SMARCA4: variants seen among roughly 807,000 people sequenced by gnomAD.
SMARCA4 encodes the protein SWI/SNF-related matrix-associated actin-dependent regulator of chromatin subfamily A member 4.
Under a neutral mutation model 193.9 loss-of-function variants are expected in SMARCA4, and 31 were observed. The ratio of observed to expected loss-of-function variants is 0.16; its 90% CI spans 0.12 to 0.22. The LOEUF (loss-of-function observed/expected upper bound fraction) is 0.22, where lower values mean the gene tolerates loss of function less well. SMARCA4 is among the 10% of genes least tolerant of loss of function. The probability of loss-of-function intolerance (pLI) is 1.00; values close to 1 mark genes in which losing one functional copy is unlikely to be tolerated. For missense variants in SMARCA4, 1,148 were observed against 2,296.0 expected (o/e 0.50, Z 10.22); for synonymous variants, 942 against 933.1 (o/e 1.01, Z -0.17).
At chr19:11,013,202 G>A (rs1181783079) in intron 16 of SMARCA4, 90 bp downstream of exon 16, 8 of 1,425,514 alleles carry the variant, frequency 5.6e-6, no homozygotes, top group Admixed American at 1.9e-5. Flanking sequence ...TACCACAAAC[G>A]AGGTGGCTTA....
chr19:11,033,637 AGG>A lies in SMARCA4; in HGVS notation c.3774+122_3774+123del, dbSNP rs1403891026. ...TTTTTTTTGCATCCCTTTGGAGTAAAGGGAGTGTGGGCTGAACGGAAAGAGGA... is the reference window on the plus strand; with the variant it reads ...TTTTTTTTGCATCCCTTTGGAGTAAAGAGTGTGGGCTGAACGGAAAGAGGA... On this transcript the variant is annotated intron_variant, in intron 26 of 34. Coordinates refer to ENST00000344626, the MANE Select transcript of SMARCA4 (RefSeq NM_003072.5). This position sits in a 1 kb window ranked among gnomAD's most constrained non-coding sequence, Gnocchi z 9.8. 1 of 814,394 alleles carries A rather than the reference AGG, an allele frequency of 1.2e-6. No individual in the cohort carries two copies. Among genetic ancestry groups the A allele is most frequent in the Non-Finnish European group, 2.2e-6 (1 of 461,640 alleles). 50.4% of individuals were successfully genotyped at this position (814,394 alleles called of 1,614,324 possible). A position where few individuals can be genotyped will look rare whatever the true frequency, so the allele number is the denominator to read the frequency against.
At position 11,002,795 on chromosome 19, in the gene SMARCA4, G is replaced by A. The variant is rs937772313; in HGVS notation, c.1813-234G>A. Among the ~76,000 whole-genome samples, 11 of 112,686 alleles carry A rather than the reference G, an allele frequency of 9.8e-5. No individual in the cohort carries two copies. In the South Asian group the frequency reaches 3.2e-3, roughly 32 times the overall value. 73.9% of individuals were successfully genotyped at this position (112,686 alleles called of 152,430 possible). ...AGCCTGGGTGACAGAGCGAGACTCC[G>A]TCTCAAAAAAAAAAAAAAAAAAAAA... On this transcript the variant is annotated intron_variant, in intron 11 of 34. Coordinates refer to ENST00000344626, the MANE Select transcript of SMARCA4 (RefSeq NM_003072.5).
rs2146678079 is a variant in SMARCA4, at chr19:11,034,142, A to T, written c.3893A>T (p.Asp1298Val). The T allele has an allele frequency of 6.2e-7, 1 of 1,613,730 alleles. No individual in the cohort carries two copies. Among genetic ancestry groups the T allele is most frequent in the Non-Finnish European group, 8.5e-7 (1 of 1,179,944 alleles). Residue 1298 changes from aspartate to valine, a missense_variant, in exon 28 of 35, where the codon GAC becomes GTC. Asp to Val is a radical substitution (Grantham distance 152). Transcript: ENST00000344626. This position sits in a 1 kb window ranked among gnomAD's most constrained non-coding sequence, Gnocchi z 7.0. ...PPLKEEDEVPDDETVNQMIAR... is the reference protein window; with the variant it reads ...PPLKEEDEVPVDETVNQMIAR... ...TTATAGGAGGAAGACGAGGTGCCCG[A>T]CGACGAGACCGTCAACCAGATGATC...
intron 1 of SMARCA4, among the ~76,000 whole-genome samples, chr19:10,969,707 G>A (rs547890488): frequency 6.6e-6 from 1 of 152,310 alleles, no homozygotes; most frequent in Admixed American, 6.5e-5. Flanking sequence ...TGGGATTACA[G>A]GCATGAGCCA....
intron 14 of SMARCA4, 35 bp from the exon 15 acceptor site, chr19:11,010,346 T>C: frequency 1.2e-6 from 2 of 1,611,950 alleles, no homozygotes; most frequent in Non-Finnish European, 1.7e-6. Context: ...GATAGGAATG[T>C]GTGTCCTTAC....
chr19:10,966,008 G>A (rs554630788), intron 1 of SMARCA4, among the ~76,000 whole-genome samples: 1 of 105,810 alleles, frequency 9.5e-6, no homozygotes, highest in Non-Finnish European at 1.8e-5. Context: ...TTGAGGTGAA[G>A]TTTCGCTCTT....
chr19:11,055,317 G>A (rs1350787523), intron 30 of SMARCA4, among the ~76,000 whole-genome samples: 1 of 152,136 alleles, frequency 6.6e-6, no homozygotes, highest in Non-Finnish European at 1.5e-5. Flanking sequence ...AGCCTCCCGA[G>A]TAGCTGGGAT....
At position 11,019,372 on chromosome 19, in the gene SMARCA4, C is replaced by CGCTGG. The variant is rs2089656225; in HGVS notation, c.2506-218_2506-214dup. ...CGTGGTTCCCTCAGGCCCCGGCCGC[C>CGCTGG]GCTGGCCTGCACTGCTTCCTCTTCC... is the stretch of plus-strand genomic sequence containing the variant. On this transcript the variant is annotated intron_variant, in intron 17 of 34. Coordinates refer to ENST00000344626, the MANE Select transcript of SMARCA4 (RefSeq NM_003072.5). The surrounding 1 kb of genome is among the most constrained non-coding windows in gnomAD (Gnocchi z 6.1). 1 of 610,052 alleles carries CGCTGG rather than the reference C, an allele frequency of 1.6e-6. No homozygotes were observed. Among genetic ancestry groups the CGCTGG allele is most frequent in the African/African-American group, 1.8e-5 (1 of 54,496 alleles). The allele number at this position is 610,052 out of a possible 1,614,324, so 37.8% of individuals were successfully genotyped here. A position where few individuals can be genotyped will look rare whatever the true frequency, so the allele number is the denominator to read the frequency against.
intron 1 of SMARCA4, among the ~76,000 whole-genome samples, chr19:10,975,318 C>CTTT (rs372249804): frequency 1.9e-5 from 2 of 107,456 alleles, no homozygotes; most frequent in Non-Finnish European, 3.9e-5. Flanking sequence ...TCCAACCTTA[C>CTTT]TTTTTTTTTT....
intron 19 of SMARCA4, among the ~76,000 whole-genome samples, 179 bp from the exon 20 acceptor site, chr19:11,023,339 A>C (rs911874341): frequency 6.6e-6 from 1 of 152,206 alleles, no homozygotes; most frequent in Non-Finnish European, 1.5e-5. Context: ...TTTCCTAAGG[A>C]AGAGGGTGCC....
intron 20 of SMARCA4, 25 bp downstream of exon 20, chr19:11,023,656 C>T (rs750439142): frequency 1.4e-6 from 2 of 1,447,488 alleles, no homozygotes; most frequent in South Asian, 2.4e-5. Context: ...AGGGGAGCCA[C>T]CAGTGAAGCA....
At chr19:10,996,173 A>C (rs1473211163) in intron 9 of SMARCA4, 40 bp from the exon 10 acceptor site, 1 of 1,610,494 alleles carries the variant, frequency 6.2e-7, no homozygotes, top group East Asian at 2.2e-5. Context: ...AGACATGCAC[A>C]TTGTGCCACC....
intron 1 of SMARCA4, among the ~76,000 whole-genome samples, chr19:10,973,849 C>T (rs1458036422): frequency 6.6e-6 from 1 of 152,174 alleles, no homozygotes; most frequent in African/African-American, 2.4e-5. Flanking sequence ...GGATTACAGG[C>T]GTGAGCCACC....
intron 16 of SMARCA4, 38 bp from the exon 17 acceptor site, chr19:11,018,919 G>C (rs745362643): frequency 6.3e-7 from 1 of 1,578,252 alleles, no homozygotes; most frequent in South Asian, 1.1e-5. Context: ...CCATTGATGA[G>C]AGACCGGCAC....
chr19:10,991,039 C>A, intron 7 of SMARCA4, 111 bp from the exon 8 acceptor site: 7 of 1,533,804 alleles, frequency 4.6e-6, no homozygotes, highest in East Asian at 2.4e-5. Flanking sequence ...GTGTGTAAGG[C>A]ACTTACAATG....
In SMARCA4 at chr19:11,027,866, C is replaced by T. The variant is rs2146543883; in HGVS notation, c.3298C>T (p.Leu1100=). 6.2e-7 allele frequency: 1 copy of T among 1,614,110 alleles called. No individual in the cohort carries two copies. ...PKLRATNHKV[L]LFCQMTSLMT... ...ACTCCGAGCAACCAACCACAAAGTG[C>T]TGCTGTTCTGCCAAATGACCTCCCT... is the stretch of plus-strand genomic sequence containing the variant. The change falls in exon 24 of 35, where the codon CTG becomes TTG. Residue 1100 remains leucine (L), a synonymous_variant. Transcript: ENST00000344626.
At chr19:11,061,536 C>T (rs1271750338) in intron 34 of SMARCA4, among the ~76,000 whole-genome samples, 2 of 152,192 alleles carry the variant, frequency 1.3e-5, no homozygotes, top group East Asian at 1.9e-4. Flanking sequence ...CCACCACGCC[C>T]GGCTAATTTT....
chr19:11,047,410 GTTTT>G (rs71164138), intron 30 of SMARCA4, among the ~76,000 whole-genome samples: 7 of 143,968 alleles, frequency 4.9e-5, no homozygotes, highest in South Asian at 2.2e-4. Context: ...GTGTCCAGAG[GTTTT>G]TTTTTTTTTT....
intron 22 of SMARCA4, among the ~76,000 whole-genome samples, chr19:11,025,872 G>C (rs2090219032): frequency 6.6e-6 from 1 of 152,188 alleles, no homozygotes; most frequent in Non-Finnish European, 1.5e-5. Context: ...GTGAAGTGTG[G>C]GGGAGTCAGA....
Sources: gnomAD v4.1 joint callset for allele counts (sites outside exome capture counted in the v4.1 genomes callset) on GRCh38, gnomAD v4.1.1 for gene constraint, Gnocchi (gnomAD v3.1) non-coding constraint, MANE v1.5 for transcripts, NCBI Gene and HGNC (gene_info 2026-07-23, HGNC 2026-07-21) for gene names.